The following ZCCHC17 variants were observed in gnomAD, a reference collection of about 807,000 sequenced individuals.
The protein encoded by ZCCHC17 is zinc finger CCHC domain-containing protein 17.
A neutral mutation model predicts 30.6 loss-of-function variants in ZCCHC17; 18 were observed. The ratio of observed to expected loss-of-function variants is 0.59; its 90% CI spans 0.41 to 0.87. The LOEUF (loss-of-function observed/expected upper bound fraction) is 0.87. Ranked by LOEUF, ZCCHC17 falls within the 40% of genes least tolerant of loss-of-function variation. ZCCHC17 has a pLI of 0.00. For missense variants in ZCCHC17, 263 were observed against 284.2 expected (o/e 0.93, Z 0.54); for synonymous variants, 88 against 92.4 (o/e 0.95, Z 0.27).
At chr1:31,346,524 T>A in intron 5 of ZCCHC17, 116 bp from the exon 6 acceptor site, 1 of 1,227,272 alleles carries the variant, frequency 8.1e-7, no homozygotes. Flanking sequence ...TCAAAAACTT[T>A]CTTTCTTTCT....
At chr1:31,355,311 A>G (rs1297576217) in intron 7 of ZCCHC17, among the ~76,000 whole-genome samples, 1 of 152,220 alleles carries the variant, frequency 6.6e-6, no homozygotes, top group Non-Finnish European at 1.5e-5. Flanking sequence ...TTCTACCAAG[A>G]TAGCATTTAG....
At chr1:31,337,101 C>A in intron 3 of ZCCHC17, 74 bp from the exon 4 acceptor site, 1 of 1,369,374 alleles carries the variant, frequency 7.3e-7, no homozygotes, top group Non-Finnish European at 1.0e-6. Context: ...CCAACTCTTA[C>A]CTTCTTATCC....
chr1:31,337,384 T>A, intron 4 of ZCCHC17, 109 bp downstream of exon 4: 1 of 952,046 alleles, frequency 1.1e-6, no homozygotes, highest in Middle Eastern at 2.3e-4. Flanking sequence ...GCTGATAATC[T>A]TATTTTTAAA....
chr1:31,345,663 C>T (rs987186708), intron 5 of ZCCHC17, among the ~76,000 whole-genome samples: 1 of 137,702 alleles, frequency 7.3e-6, no homozygotes, highest in Admixed American at 7.7e-5. Flanking sequence ...TATAGTTCCA[C>T]TGCCTGTATA....
At chr1:31,305,981 G>T (rs989186870) in intron 1 of ZCCHC17, among the ~76,000 whole-genome samples, 2 of 152,088 alleles carry the variant, frequency 1.3e-5, no homozygotes, top group Admixed American at 1.3e-4. Flanking sequence ...GAACCCAGTT[G>T]CTATCAATTG....
intron 2 of ZCCHC17, among the ~76,000 whole-genome samples, chr1:31,312,311 A>C (rs960551431): frequency 2.6e-5 from 4 of 152,164 alleles, no homozygotes; most frequent in Non-Finnish European, 5.9e-5. Flanking sequence ...TCCTCACAGG[A>C]CACTAAGCTC....
chr1:31,321,148 C>T (rs2148430053), intron 3 of ZCCHC17, among the ~76,000 whole-genome samples: 1 of 152,118 alleles, frequency 6.6e-6, no homozygotes, highest in East Asian at 1.9e-4. Context: ...AATTGTAGTT[C>T]TCGTAATCCC....
Position 31,346,663 on chromosome 1 carries a change from CCTTCCAGGATTACA to C in ZCCHC17, c.344_357del (p.Phe115TrpfsTer7), listed in dbSNP as rs1249677555. ...AGGCAAGAAGAGAGGCGGAGGCGATCCTTCCAGGATTACACTGGGCAGAAGATCACCCTTGAGGC... is the reference window on the plus strand; with the variant it reads ...AGGCAAGAAGAGAGGCGGAGGCGATCCTGGGCAGAAGATCACCCTTGAGGC... On this transcript the variant is annotated frameshift_variant, in exon 6 of 8. Transcript: ENST00000344147. LOFTEE classifies it high-confidence loss of function. 6.2e-7 allele frequency: 1 copy of C among 1,612,164 alleles called. No individual in the cohort carries two copies. The highest frequency in any genetic ancestry group is 1.1e-5 in the South Asian group (1 of 90,700).
chr1:31,358,220 A>G (rs1420710657), intron 7 of ZCCHC17, among the ~76,000 whole-genome samples: 1 of 152,236 alleles, frequency 6.6e-6, no homozygotes, highest in Non-Finnish European at 1.5e-5. Context: ...GTGTGGCTAC[A>G]GTGAAATGAA....
chr1:31,346,475 C>A (rs1253081760), intron 5 of ZCCHC17, 165 bp from the exon 6 acceptor site: 2 of 628,992 alleles, frequency 3.2e-6, no homozygotes. Context: ...TAATTTAGGG[C>A]TATTTCACAT....
chr1:31,329,095 A>G (rs1281001723), intron 3 of ZCCHC17, among the ~76,000 whole-genome samples: 3 of 152,204 alleles, frequency 2.0e-5, no homozygotes, highest in Admixed American at 6.5e-5. Flanking sequence ...CTGTCACCTC[A>G]TTAAAATAAA....
At position 31,316,008 on chromosome 1, in the gene ZCCHC17, C is replaced by T. The variant is rs191832053; in HGVS notation, c.67-3101C>T. Among the ~76,000 whole-genome samples, 10 of 152,320 alleles carry T rather than the reference C, an allele frequency of 6.6e-5. No homozygotes were observed. In the East Asian group the frequency reaches 1.9e-3, roughly 29 times the overall value. On this transcript the variant is annotated intron_variant, in intron 2 of 7. Coordinates refer to ENST00000344147, the MANE Select transcript of ZCCHC17 (RefSeq NM_016505.4). ...ATTACCTCTAAAGACCATAATGTGA[C>T]ACTGGAGCTTCAGGATTGAAAAGTG... is the stretch of plus-strand genomic sequence containing the variant.
chr1:31,317,400 A>G (rs1053121209), intron 2 of ZCCHC17, among the ~76,000 whole-genome samples: 1 of 152,122 alleles, frequency 6.6e-6, no homozygotes, highest in Non-Finnish European at 1.5e-5. Flanking sequence ...TAGACTGTAA[A>G]TTATTGAAAA....
intron 1 of ZCCHC17, among the ~76,000 whole-genome samples, chr1:31,308,139 G>C (rs933179711): frequency 6.6e-6 from 1 of 152,190 alleles, no homozygotes; most frequent in Non-Finnish European, 1.5e-5. Context: ...GATTTAACCA[G>C]AATGTAAAAC....
chr1:31,364,141 C>T lies in ZCCHC17; in HGVS notation c.674C>T (p.Ala225Val). 6.2e-7 allele frequency: 1 copy of T among 1,613,636 alleles called. No homozygotes were observed. Among genetic ancestry groups the T allele is most frequent in the Non-Finnish European group, 8.5e-7 (1 of 1,179,868 alleles). ...RARHTSKDSK[A>V]AKKKKKKKKH... ...AGGCACACATCAAAAGACAGCAAGG[C>T]AGCAAAGAAGAAGAAAAAGAAGAAG... The change falls in exon 8 of 8, where the codon GCA becomes GTA. Residue 225 changes from alanine to valine, a missense_variant. By Grantham distance (64) the Ala-to-Val change is moderately conservative. Coordinates refer to ENST00000344147, the MANE Select transcript of ZCCHC17 (RefSeq NM_016505.4).
At chr1:31,345,090 G>A (rs971009450) in intron 5 of ZCCHC17, among the ~76,000 whole-genome samples, 1 of 151,058 alleles carries the variant, frequency 6.6e-6, no homozygotes, top group Non-Finnish European at 1.5e-5. Flanking sequence ...ATTACCCTTG[G>A]GGGAGGCAGG....
chr1:31,298,393 T>TG (rs1484492381), intron 1 of ZCCHC17, among the ~76,000 whole-genome samples: 21 of 150,620 alleles, frequency 1.4e-4, no homozygotes, highest in Non-Finnish European at 2.4e-4. Context: ...TTTTGTTTTT[T>TG]TTTTTTTTTT....
At chr1:31,305,610 T>A (rs7541442) in intron 1 of ZCCHC17, among the ~76,000 whole-genome samples, 23,213 of 151,972 alleles carry the variant, frequency 0.15, 1,970 homozygotes, top group African/African-American at 0.2. Flanking sequence ...TTCTTTTTTT[T>A]AAAAAATATT....
chr1:31,351,672 G>A (rs991157077), intron 7 of ZCCHC17, among the ~76,000 whole-genome samples: 1 of 152,094 alleles, frequency 6.6e-6, no homozygotes, highest in African/African-American at 2.4e-5. Context: ...GGGCCCAGGG[G>A]TCAAGGCAGC....
Sources: allele counts gnomAD v4.1 joint callset (sites outside exome capture counted in the v4.1 genomes callset), GRCh38; gene constraint gnomAD v4.1.1; transcripts MANE v1.5; gene names NCBI Gene and HGNC (gene_info 2026-07-23, HGNC 2026-07-21).